The following TEX26 variants were observed in gnomAD, a reference collection of about 807,000 sequenced individuals.
TEX26 encodes testis expressed 26.
A neutral mutation model predicts 35.3 loss-of-function variants in TEX26; 34 were observed. The ratio of observed to expected loss-of-function variants is 0.96; its 90% confidence interval spans 0.73 to 1.28. The LOEUF is 1.28. Among genes scored for constraint, TEX26 ranks in the 50% most tolerant of loss-of-function variants. The pLI, the probability that TEX26 is intolerant of heterozygous loss-of-function variation, is 0.00. For synonymous variants in TEX26, 136 were observed against 111.8 expected, an observed-to-expected ratio of 1.22 and a Z score of -1.36; for missense variants, 371 against 330.1, an observed-to-expected ratio of 1.12 and a Z score of -0.96.
rs1231911413 is a variant in TEX26 at position 30,974,847 on chromosome 13, T to A, written c.810T>A (p.Asp270Glu). ...CCTGTTTTTCTTCATACTTTTCAGATAGACAAATTATTGATCGCTTTATTC... is the reference window on the plus strand; with the variant it reads ...CCTGTTTTTCTTCATACTTTTCAGAAAGACAAATTATTGATCGCTTTATTC... ...KEYLQSLSYKDRQIIDRFIRT... is the reference protein window; with the variant it reads ...KEYLQSLSYKERQIIDRFIRT... The change falls in exon 7 of 7, where the codon GAT becomes GAA. Residue 270 changes from aspartate (D) to glutamate (E), a missense_variant and splice_region_variant. By Grantham distance (45) the Asp-to-Glu change is conservative. Coordinates refer to ENST00000380473, the MANE Select transcript of TEX26 (RefSeq NM_152325.3). 1.0e-5 allele frequency: 16 copies of A among 1,555,590 alleles called. No homozygotes were observed. The highest frequency in any genetic ancestry group is 1.4e-5 in the Non-Finnish European group (16 of 1,156,878).
chr13:30,965,702 C>A (rs1954502185), intron 4 of TEX26, among the ~76,000 whole-genome samples: 1 of 151,922 alleles, frequency 6.6e-6, no homozygotes, highest in Non-Finnish European at 1.5e-5. Flanking sequence ...GATGCCTAAC[C>A]CTCCATCAGT....
At chr13:30,964,593 T>A (rs540290602) in intron 4 of TEX26, among the ~76,000 whole-genome samples, 6 of 152,308 alleles carry the variant, frequency 3.9e-5, no homozygotes, top group African/African-American at 1.4e-4. Context: ...AAGCTCCTAG[T>A]GAAAAAGTCA....
chr13:30,951,388 C>T (rs1953916253), intron 2 of TEX26, among the ~76,000 whole-genome samples: 1 of 151,698 alleles, frequency 6.6e-6, no homozygotes, highest in Non-Finnish European at 1.5e-5. Flanking sequence ...TGTGCTGTGT[C>T]CCGTCCCTTT....
chr13:30,940,021 AT>A (rs1210453171), intron 2 of TEX26, among the ~76,000 whole-genome samples: 1 of 152,190 alleles, frequency 6.6e-6, no homozygotes, highest in African/African-American at 2.4e-5. Context: ...AAGTTCCTGT[AT>A]ATTGTGGTTT....
intron 2 of TEX26, among the ~76,000 whole-genome samples, chr13:30,951,211 T>C (rs1953908356): frequency 6.6e-6 from 1 of 151,940 alleles, no homozygotes. Context: ...ATAAATCAGC[T>C]GGGCATGGTG....
At chr13:30,961,073 G>A (rs990838992) in intron 4 of TEX26, among the ~76,000 whole-genome samples, 17 of 152,246 alleles carry the variant, frequency 1.1e-4, no homozygotes, top group African/African-American at 3.9e-4. Flanking sequence ...TCTCTCCAGA[G>A]AGGTAATTCT....
At chr13:30,961,018 A>C (rs1954320117) in intron 4 of TEX26, among the ~76,000 whole-genome samples, 1 of 152,208 alleles carries the variant, frequency 6.6e-6, no homozygotes, top group Admixed American at 6.5e-5. Flanking sequence ...AGGATGAGCT[A>C]TCTTTCTTGG....
rs2274869 is a variant in TEX26 at position 30,968,958 on chromosome 13, C to T, written c.720C>T (p.Tyr240=). Residue 240 remains tyrosine (Y), a synonymous_variant, in exon 6 of 7, where the codon TAC becomes TAT. Coordinates refer to ENST00000380473, the MANE Select transcript of TEX26 (RefSeq NM_152325.3). ...AACAGACCACATACCAAAGTGACTA[C>T]GACAAAACCTACCCAGATTTCTTAA... is the stretch of plus-strand genomic sequence containing the variant. ...TKKQTTYQSD[Y]DKTYPDFLML... 0.25 allele frequency: 408,187 copies of T among 1,613,010 alleles called. 54,193 individuals carry two copies. The highest frequency in any genetic ancestry group is 0.35 in the Admixed American group (20,766 of 59,910).
chr13:30,935,339 G>C (rs1157198983), intron 1 of TEX26, among the ~76,000 whole-genome samples: 2 of 152,246 alleles, frequency 1.3e-5, no homozygotes, highest in African/African-American at 4.8e-5. Context: ...GGACCAGGCT[G>C]CCAGTCAGGA....
chr13:30,946,036 C>T lies in TEX26; in HGVS notation c.146+6258C>T, dbSNP rs573606813. ...TCAGGAAAGTTTTCCTCAATTATTC[C>T]CTCAAATAATTTTTCCAAACTTTTT... On this transcript the variant is annotated intron_variant, in intron 2 of 6. Transcript: ENST00000380473. 3.9e-5 allele frequency among the ~76,000 whole-genome samples: 6 copies of T among 151,968 alleles called. No homozygotes were observed. In the East Asian group the frequency reaches 1.2e-3, roughly 29 times the overall value.
At chr13:30,958,291 G>C (rs140254824) in intron 4 of TEX26, among the ~76,000 whole-genome samples, 1 of 152,312 alleles carries the variant, frequency 6.6e-6, no homozygotes, top group African/African-American at 2.4e-5. Flanking sequence ...TTTTGGTCTT[G>C]CTTATCAGCA....
intron 2 of TEX26, among the ~76,000 whole-genome samples, chr13:30,947,144 G>T (rs1009404924): frequency 2.0e-5 from 3 of 151,938 alleles, no homozygotes; most frequent in Admixed American, 6.6e-5. Flanking sequence ...GTACACAATC[G>T]CTCAAAGCAA....
At chr13:30,946,009 G>A (rs1953694774) in intron 2 of TEX26, among the ~76,000 whole-genome samples, 1 of 151,846 alleles carries the variant, frequency 6.6e-6, no homozygotes, top group Non-Finnish European at 1.5e-5. Context: ...TTTCTAGCAA[G>A]CTCAGGAAAG....
chr13:30,954,963 G>T (rs541947181), intron 3 of TEX26, among the ~76,000 whole-genome samples: 2 of 152,298 alleles, frequency 1.3e-5, no homozygotes, highest in East Asian at 3.9e-4. Flanking sequence ...TCACATGCCA[G>T]ATGGCAGCTC....
chr13:30,971,832 G>T (rs1954721866), intron 6 of TEX26, among the ~76,000 whole-genome samples: 1 of 152,148 alleles, frequency 6.6e-6, no homozygotes, highest in Non-Finnish European at 1.5e-5. Flanking sequence ...TCCCCTAGTT[G>T]AAAGGTAAAA....
At chr13:30,951,635 A>G (rs1296972464) in intron 2 of TEX26, among the ~76,000 whole-genome samples, 1 of 152,196 alleles carries the variant, frequency 6.6e-6, no homozygotes, top group Non-Finnish European at 1.5e-5. Flanking sequence ...TGTACCCTCC[A>G]CTAATCCTTC....
intron 2 of TEX26, among the ~76,000 whole-genome samples, chr13:30,944,765 T>C (rs1281553464): frequency 6.6e-6 from 1 of 151,998 alleles, no homozygotes; most frequent in Non-Finnish European, 1.5e-5. Flanking sequence ...GAGTTCCTTT[T>C]GGAATTGATT....
chr13:30,959,860 G>A (rs1470608225), intron 4 of TEX26, among the ~76,000 whole-genome samples: 1 of 152,186 alleles, frequency 6.6e-6, no homozygotes, highest in Non-Finnish European at 1.5e-5. Flanking sequence ...ATGCATGTAA[G>A]TGTGGAATTT....
intron 4 of TEX26, among the ~76,000 whole-genome samples, chr13:30,961,570 C>T (rs144457485): frequency 1.3e-3 from 205 of 152,304 alleles, no homozygotes; most frequent in African/African-American, 4.6e-3. Flanking sequence ...TTCTAATCTA[C>T]GATCATTTTG....
Sources: gnomAD v4.1 joint callset for allele counts (sites outside exome capture counted in the v4.1 genomes callset) on GRCh38, gnomAD v4.1.1 for gene constraint, MANE v1.5 for transcripts, NCBI Gene and HGNC (gene_info 2026-07-23, HGNC 2026-07-21) for gene names.